The following FSTL4 variants were observed in gnomAD, a reference collection of about 807,000 sequenced individuals.
FSTL4 encodes follistatin-related protein 4.
A neutral mutation model predicts 78.2 loss-of-function variants in FSTL4; 28 were observed. The observed-to-expected ratio is 0.36, with a 90% CI of 0.27 to 0.49. The LOEUF (loss-of-function observed/expected upper bound fraction) is 0.49, where lower values mean the gene tolerates loss of function less well. FSTL4 is among the 20% of genes least tolerant of loss of function. The probability of loss-of-function intolerance (pLI) is 0.98; values close to 1 mark genes in which losing one functional copy is unlikely to be tolerated. For missense variants in FSTL4, 922 were observed against 1,084.9 expected (o/e 0.85, Z 2.11); for synonymous variants, 422 against 440.5 (o/e 0.96, Z 0.53).
intron 4 of FSTL4, among the ~76,000 whole-genome samples, chr5:133,357,877 C>A (rs2126931908): frequency 6.6e-6 from 1 of 152,324 alleles, no homozygotes; most frequent in Middle Eastern, 3.4e-3. Flanking sequence ...CCTCTGCCGC[C>A]CCCAGCTTCT....
chr5:133,726,848 A>G, the FSTL4 span, among the ~76,000 whole-genome samples: 1 of 152,244 alleles, frequency 6.6e-6, no homozygotes, highest in East Asian at 1.9e-4. Context: ...CCTTTGCTGA[A>G]CGAAATTAAG....
chr5:133,832,764 C>G, the FSTL4 span, among the ~76,000 whole-genome samples: 1 of 152,160 alleles, frequency 6.6e-6, no homozygotes, highest in African/African-American at 2.4e-5. Context: ...AGGCAGATAA[C>G]TTTTTTTATA....
At chr5:133,800,920 A>G in the FSTL4 span, among the ~76,000 whole-genome samples, 1 of 150,314 alleles carries the variant, frequency 6.7e-6, no homozygotes. Flanking sequence ...GGTGGCAGGA[A>G]GCAGGCACCG....
the FSTL4 span, among the ~76,000 whole-genome samples, chr5:133,687,502 A>C: frequency 1.3e-5 from 2 of 152,034 alleles, no homozygotes; most frequent in South Asian, 4.2e-4. Flanking sequence ...AGAGGAGGAG[A>C]GAGATCTGAG....
chr5:133,599,961 C>T (rs890102450), intron 2 of FSTL4, among the ~76,000 whole-genome samples: 3 of 152,228 alleles, frequency 2.0e-5, no homozygotes, highest in African/African-American at 7.2e-5. Flanking sequence ...CTTCTCACCC[C>T]TTCCTGGTTC....
chr5:133,786,572 G>A, the FSTL4 span, among the ~76,000 whole-genome samples: 5 of 152,214 alleles, frequency 3.3e-5, no homozygotes, highest in African/African-American at 1.2e-4. Flanking sequence ...CTGGAGGCCC[G>A]ATCGGTCAAA....
At chr5:133,531,990 G>A (rs904605135) in intron 3 of FSTL4, among the ~76,000 whole-genome samples, 1 of 152,206 alleles carries the variant, frequency 6.6e-6, no homozygotes, top group South Asian at 2.1e-4. Context: ...CTATACATAT[G>A]TTCTCTTACA....
chr5:133,806,772 C>T, the FSTL4 span, among the ~76,000 whole-genome samples: 1 of 152,146 alleles, frequency 6.6e-6, no homozygotes, highest in Non-Finnish European at 1.5e-5. Context: ...CTTCTGGTAC[C>T]AACTATGCTG....
chr5:133,369,588 C>A (rs1755247939), intron 4 of FSTL4, among the ~76,000 whole-genome samples: 1 of 152,224 alleles, frequency 6.6e-6, no homozygotes, highest in African/African-American at 2.4e-5. Context: ...ACACCAAGTC[C>A]TGGCACCCAG....
intron 3 of FSTL4, among the ~76,000 whole-genome samples, chr5:133,472,850 A>G (rs568030809): frequency 6.6e-6 from 1 of 152,310 alleles, no homozygotes; most frequent in South Asian, 2.1e-4. Flanking sequence ...CAGGGATGTG[A>G]TTTTCCCAAG....
Position 133,421,518 on chromosome 5 carries a change from T to C in FSTL4, c.161-20532A>G, listed in dbSNP as rs551463024. ...GCATATGGGATAAGAGTTTCCCCATTCGCTGAGCTCTTCGCTTGCCCTTGT... is the reference window on the plus strand; with the variant it reads ...GCATATGGGATAAGAGTTTCCCCATCCGCTGAGCTCTTCGCTTGCCCTTGT... On this transcript the variant is annotated intron_variant, in intron 3 of 15. Coordinates refer to ENST00000265342, the MANE Select transcript of FSTL4 (RefSeq NM_015082.2). 3.3e-5 allele frequency among the ~76,000 whole-genome samples: 5 copies of C among 152,372 alleles called. No homozygotes were observed. In the East Asian group the frequency reaches 9.6e-4, roughly 29 times the overall value.
chr5:133,640,751 T>C, the FSTL4 span, among the ~76,000 whole-genome samples: 1 of 152,136 alleles, frequency 6.6e-6, no homozygotes, highest in Admixed American at 6.5e-5. Flanking sequence ...ACCCTGCATG[T>C]ATGTACAGCC....
At chr5:133,207,811 A>G (rs1322995398) in intron 14 of FSTL4, 3 of 152,070 alleles carry the variant, frequency 2.0e-5, no homozygotes, top group Non-Finnish European at 4.4e-5. Context: ...ACACCTGGCT[A>G]ATTTTTTTAT....
chr5:133,652,041 A>T, the FSTL4 span, among the ~76,000 whole-genome samples: 2 of 152,082 alleles, frequency 1.3e-5, no homozygotes, highest in African/African-American at 4.8e-5. Context: ...TTGTGAGCTT[A>T]GAGTTGTTCA....
At chr5:133,784,516 T>C in the FSTL4 span, among the ~76,000 whole-genome samples, 1 of 152,186 alleles carries the variant, frequency 6.6e-6, no homozygotes, top group Non-Finnish European at 1.5e-5. Context: ...ATCCCCGTTC[T>C]GAAGTGGAGA....
upstream of FSTL4, among the ~76,000 whole-genome samples, chr5:133,615,861 G>C (rs182239852): frequency 3.2e-4 from 48 of 152,274 alleles, no homozygotes; most frequent in Admixed American, 4.6e-4. Context: ...AGAAGAAGTG[G>C]TATAGAGTAG....
At chr5:133,320,827 G>C (rs1754029505) in intron 4 of FSTL4, among the ~76,000 whole-genome samples, 1 of 152,016 alleles carries the variant, frequency 6.6e-6, no homozygotes, top group South Asian at 2.1e-4. Context: ...CTAACACGGT[G>C]AAACCCCGTC....
chr5:133,307,672 G>A (rs1264879324), intron 6 of FSTL4, among the ~76,000 whole-genome samples: 2 of 152,138 alleles, frequency 1.3e-5, no homozygotes, highest in Admixed American at 6.5e-5. Context: ...GGAGACTCAC[G>A]TGGAAGTGGG....
chr5:133,331,323 G>C (rs1561675320), intron 4 of FSTL4, among the ~76,000 whole-genome samples: 1 of 152,110 alleles, frequency 6.6e-6, no homozygotes, highest in Non-Finnish European at 1.5e-5. Context: ...CCTCTGTGTT[G>C]ATCTTCAGCT....
Sources: gnomAD v4.1 joint callset for allele counts (sites outside exome capture counted in the v4.1 genomes callset) on GRCh38, gnomAD v4.1.1 for gene constraint, MANE v1.5 for transcripts, NCBI Gene and HGNC (gene_info 2026-07-23, HGNC 2026-07-21) for gene names.